ODAD2: variants seen among roughly 807,000 people sequenced by gnomAD.
The protein encoded by ODAD2 is outer dynein arm-docking complex subunit 2.
Under a neutral mutation model 106.8 loss-of-function variants are expected in ODAD2, and 89 were observed. The ratio of observed to expected loss-of-function variants is 0.83; its 90% CI spans 0.70 to 0.99. The LOEUF (loss-of-function observed/expected upper bound fraction) is 0.99, where lower values mean the gene tolerates loss of function less well. ODAD2 is among the 50% of genes least tolerant of loss of function. ODAD2 has a pLI of 0.00. For missense variants in ODAD2, 1,168 were observed against 1,238.5 expected (o/e 0.94, Z 0.85); for synonymous variants, 404 against 436.2 (o/e 0.93, Z 0.92).
chr10:27,995,310 A>C, intron 1 of ODAD2, 130 bp from the exon 2 acceptor site: 1 of 1,033,212 alleles, frequency 9.7e-7, no homozygotes, highest in East Asian at 2.6e-5. Context: ...GATTCTTTTA[A>C]CATTATCTAA....
intron 3 of ODAD2, among the ~76,000 whole-genome samples, chr10:27,986,857 C>T (rs898260808): frequency 1.3e-5 from 2 of 151,998 alleles, no homozygotes; most frequent in Non-Finnish European, 1.5e-5. Flanking sequence ...ATGACTGTAA[C>T]TATTCACAGA....
At chr10:27,836,403 C>T (rs755863141) in intron 19 of ODAD2, among the ~76,000 whole-genome samples, 2 of 152,164 alleles carry the variant, frequency 1.3e-5, no homozygotes, top group Admixed American at 6.5e-5. Flanking sequence ...GTCTTTTTTA[C>T]GTCATTAAAT....
chr10:27,961,371 C>T (rs193203302), intron 10 of ODAD2, among the ~76,000 whole-genome samples, 197 bp downstream of exon 10: 6 of 152,268 alleles, frequency 3.9e-5, no homozygotes, highest in African/African-American at 1.4e-4. Flanking sequence ...TACCAGGCAG[C>T]CTGGTTGCTC....
chr10:27,997,553 G>T (rs1478055599), intron 1 of ODAD2: 1 of 152,020 alleles, frequency 6.6e-6, no homozygotes, highest in Admixed American at 6.6e-5. Context: ...CGTTATTTTC[G>T]TCAAGATAAA....
At chr10:27,864,899 A>G (rs1840333373) in intron 17 of ODAD2, among the ~76,000 whole-genome samples, 1 of 152,142 alleles carries the variant, frequency 6.6e-6, no homozygotes, top group Non-Finnish European at 1.5e-5. Flanking sequence ...CAAAATGGGT[A>G]TTATTTCCAT....
chr10:27,847,300 T>G (rs1260079133), intron 19 of ODAD2, among the ~76,000 whole-genome samples: 1 of 152,126 alleles, frequency 6.6e-6, no homozygotes, highest in Non-Finnish European at 1.5e-5. Flanking sequence ...ATCCAGCATA[T>G]AAACAGAACC....
At chr10:27,830,121 A>G (rs1837363478) in intron 19 of ODAD2, among the ~76,000 whole-genome samples, 1 of 152,160 alleles carries the variant, frequency 6.6e-6, no homozygotes, top group African/African-American at 2.4e-5. Context: ...TCCTTGAAGT[A>G]CCTTCTCCAA....
At position 27,937,573 on chromosome 10, in the gene ODAD2, C is replaced by A. The variant is rs368698655; in HGVS notation, c.2098-693G>T. Among the ~76,000 whole-genome samples the A allele has an allele frequency of 1.5e-3, 232 of 152,284 alleles. 1 individual carries two copies. The highest frequency in any genetic ancestry group is 5.1e-3 in the African/African-American group (213 of 41,572). On this transcript the variant is annotated intron_variant, in intron 14 of 19. Coordinates refer to ENST00000305242, the MANE Select transcript of ODAD2 (RefSeq NM_018076.5). ...TCCTTTGAAATAAATATTTACTGCACAGATGGTCTCAACTGATCATTCTTC... is the reference window on the plus strand; with the variant it reads ...TCCTTTGAAATAAATATTTACTGCAAAGATGGTCTCAACTGATCATTCTTC...
intron 17 of ODAD2, among the ~76,000 whole-genome samples, chr10:27,905,926 G>T (rs538139187): frequency 2.6e-5 from 4 of 152,006 alleles, no homozygotes; most frequent in Admixed American, 1.3e-4. Flanking sequence ...GGAAGAAAAC[G>T]TAGGCAATAC....
Position 27,959,511 on chromosome 10 carries a change from C to G in ODAD2, c.1386+2057G>C, listed in dbSNP as rs527386357. 2.0e-5 allele frequency among the ~76,000 whole-genome samples: 3 copies of G among 152,148 alleles called. No individual in the cohort carries two copies. The South Asian group carries it at 6.2e-4, about 32-fold the overall frequency. ...AATGTCCCAAAGCTGGGCATGGTCACCGTGCGTGCCAGTCTGGACCACTGT... is the reference window on the plus strand; with the variant it reads ...AATGTCCCAAAGCTGGGCATGGTCAGCGTGCGTGCCAGTCTGGACCACTGT... On this transcript the variant is annotated intron_variant, in intron 10 of 19. Coordinates refer to ENST00000305242, the MANE Select transcript of ODAD2 (RefSeq NM_018076.5).
At chr10:27,868,760 G>A (rs981254973) in intron 17 of ODAD2, among the ~76,000 whole-genome samples, 1 of 151,990 alleles carries the variant, frequency 6.6e-6, no homozygotes, top group Non-Finnish European at 1.5e-5. Flanking sequence ...GTTAATAGGT[G>A]CAGCAAACCA....
chr10:27,867,765 C>G (rs1165395823), intron 17 of ODAD2, among the ~76,000 whole-genome samples: 1 of 152,058 alleles, frequency 6.6e-6, no homozygotes, highest in Admixed American at 6.6e-5. Flanking sequence ...GCCTGGCCAA[C>G]AAAGTGAAAT....
At chr10:27,959,476 G>C (rs560152252) in intron 10 of ODAD2, among the ~76,000 whole-genome samples, 19 of 152,148 alleles carry the variant, frequency 1.2e-4, no homozygotes, top group South Asian at 1.0e-3. Flanking sequence ...ACTGTTGCAA[G>C]CGTGGCCTAA....
intron 12 of ODAD2, among the ~76,000 whole-genome samples, chr10:27,941,797 C>T (rs1208500333): frequency 1.3e-5 from 2 of 152,052 alleles, no homozygotes; most frequent in African/African-American, 4.8e-5. Flanking sequence ...CATCTATGCA[C>T]GTCTACTCCA....
At chr10:27,893,700 A>G (rs561530782) in intron 17 of ODAD2, among the ~76,000 whole-genome samples, 3 of 152,350 alleles carry the variant, frequency 2.0e-5, no homozygotes, top group African/African-American at 7.2e-5. Context: ...TGAGCCATTA[A>G]CTTACCTAAA....
intron 17 of ODAD2, among the ~76,000 whole-genome samples, chr10:27,905,664 C>T (rs1379841118): frequency 1.3e-5 from 2 of 152,170 alleles, no homozygotes; most frequent in South Asian, 2.1e-4. Context: ...GGTACCAAAA[C>T]AGATATATAG....
intron 15 of ODAD2, among the ~76,000 whole-genome samples, chr10:27,936,266 A>T (rs774402002): frequency 3.3e-5 from 5 of 152,182 alleles, no homozygotes; most frequent in Non-Finnish European, 7.3e-5. Flanking sequence ...TTAAAATCGA[A>T]TCTGATGAAA....
At chr10:27,929,563 T>C (rs1349358612) in intron 16 of ODAD2, among the ~76,000 whole-genome samples, 1 of 152,150 alleles carries the variant, frequency 6.6e-6, no homozygotes, top group African/African-American at 2.4e-5. Flanking sequence ...TTAAAGTACT[T>C]TGAGTAATTT....
At chr10:27,834,670 T>C (rs1837727649) in intron 19 of ODAD2, among the ~76,000 whole-genome samples, 1 of 152,192 alleles carries the variant, frequency 6.6e-6, no homozygotes, top group Non-Finnish European at 1.5e-5. Flanking sequence ...AGGGAAGCCA[T>C]GCTAGTGTTT....
Sources: gnomAD v4.1 joint callset for allele counts (sites outside exome capture counted in the v4.1 genomes callset) on GRCh38, gnomAD v4.1.1 for gene constraint, MANE v1.5 for transcripts, NCBI Gene and HGNC (gene_info 2026-07-23, HGNC 2026-07-21) for gene names.